Variants in ANKS1B observed in about 807,000 individuals in gnomAD.
The protein encoded by ANKS1B is ankyrin repeat and sterile alpha motif domain-containing protein 1B.
ANKS1B carries 36 observed loss-of-function variants against 148.3 expected under a neutral mutation model. The ratio of observed to expected loss-of-function variants is 0.24; its 90% CI spans 0.19 to 0.32. The LOEUF (loss-of-function observed/expected upper bound fraction) is 0.32, where lower values mean the gene tolerates loss of function less well. ANKS1B is among the 10% of genes least tolerant of loss of function. The probability of loss-of-function intolerance (pLI) is 1.00; values close to 1 mark genes in which losing one functional copy is unlikely to be tolerated. For missense variants in ANKS1B, 1,157 were observed against 1,542.6 expected (o/e 0.75, Z 4.19); for synonymous variants, 542 against 560.8 (o/e 0.97, Z 0.47).
chr12:99,699,637 T>C (rs2054500890), intron 8 of ANKS1B, among the ~76,000 whole-genome samples: 1 of 152,192 alleles, frequency 6.6e-6, no homozygotes, highest in Non-Finnish European at 1.5e-5. Flanking sequence ...ATCTCCTTAC[T>C]TGCTAAACGA....
intron 8 of ANKS1B, among the ~76,000 whole-genome samples, chr12:99,744,165 G>A (rs1226980070): frequency 6.6e-6 from 1 of 151,932 alleles, no homozygotes; most frequent in African/African-American, 2.4e-5. Flanking sequence ...TGAGATATTG[G>A]GAATAACAAA....
chr12:99,735,569 C>G (rs147963527), intron 8 of ANKS1B, among the ~76,000 whole-genome samples: 2 of 151,866 alleles, frequency 1.3e-5, no homozygotes, highest in Non-Finnish European at 2.9e-5. Context: ...CAGGAAGATA[C>G]AGAAAACCTG....
At chr12:98,897,564 TA>T (rs1184857698) in intron 17 of ANKS1B, among the ~76,000 whole-genome samples, 1 of 152,070 alleles carries the variant, frequency 6.6e-6, no homozygotes, top group Non-Finnish European at 1.5e-5. Flanking sequence ...AGTCAAAAAA[TA>T]ACAGATGTTG....
chr12:99,451,229 C>T (rs1229309736), intron 10 of ANKS1B, among the ~76,000 whole-genome samples: 1 of 147,766 alleles, frequency 6.8e-6, no homozygotes, highest in Non-Finnish European at 1.5e-5. Flanking sequence ...TCTATAATAA[C>T]AACATTAGAA....
chr12:99,075,209 C>G (rs1565909716), intron 16 of ANKS1B, among the ~76,000 whole-genome samples: 1 of 152,134 alleles, frequency 6.6e-6, no homozygotes, highest in Non-Finnish European at 1.5e-5. Context: ...GAACCTGAAT[C>G]CTGGTGAATC....
intron 17 of ANKS1B, among the ~76,000 whole-genome samples, chr12:98,854,956 G>A (rs985676943): frequency 4.1e-4 from 63 of 151,882 alleles, no homozygotes; most frequent in African/African-American, 1.4e-3. Context: ...TCAGGAGATC[G>A]AGACCATCCT....
chr12:99,922,486 T>G (rs1304079792), intron 1 of ANKS1B, among the ~76,000 whole-genome samples: 4 of 152,184 alleles, frequency 2.6e-5, no homozygotes, highest in Admixed American at 2.0e-4. Context: ...TTGATACCAT[T>G]AATACCAATG....
chr12:99,723,352 G>A (rs762995801), intron 8 of ANKS1B, among the ~76,000 whole-genome samples: 7 of 152,142 alleles, frequency 4.6e-5, no homozygotes, highest in Non-Finnish European at 8.8e-5. Context: ...GGGGTCCCCC[G>A]CAGCACAACA....
At chr12:99,380,128 A>G (rs981693265) in intron 12 of ANKS1B, among the ~76,000 whole-genome samples, 1 of 152,206 alleles carries the variant, frequency 6.6e-6, no homozygotes. Flanking sequence ...TTACAAGCTC[A>G]GAGGTCTACC....
At chr12:98,791,205 C>T (rs540131749) in intron 22 of ANKS1B, among the ~76,000 whole-genome samples, 13 of 152,004 alleles carry the variant, frequency 8.6e-5, no homozygotes, top group African/African-American at 2.2e-4. Context: ...ATTAGCCGGA[C>T]GTGGTGGCGG....
At chr12:99,310,652 C>G (rs1478137264) in intron 12 of ANKS1B, among the ~76,000 whole-genome samples, 1 of 152,096 alleles carries the variant, frequency 6.6e-6, no homozygotes, top group Admixed American at 6.6e-5. Context: ...TTCAGGCCTT[C>G]ACACTCAGGC....
intron 16 of ANKS1B, among the ~76,000 whole-genome samples, chr12:99,057,399 T>C (rs1020914973): frequency 1.3e-5 from 2 of 152,220 alleles, no homozygotes; most frequent in African/African-American, 2.4e-5. Flanking sequence ...TATTCTGCCA[T>C]TGGCTGCTAG....
chr12:99,132,102 T>C (rs554295221), intron 15 of ANKS1B, among the ~76,000 whole-genome samples: 52 of 152,006 alleles, frequency 3.4e-4, no homozygotes, highest in Non-Finnish European at 6.9e-4. Context: ...ATGGTTTCCA[T>C]GGCAACAGAA....
intron 12 of ANKS1B, among the ~76,000 whole-genome samples, chr12:99,318,911 C>T (rs535353380): frequency 8.5e-5 from 13 of 152,062 alleles, no homozygotes; most frequent in Admixed American, 4.6e-4. Context: ...TTTATTTCTG[C>T]CTTCATTTCG....
At chr12:99,053,370 G>T in intron 16 of ANKS1B, 61 bp from the exon 17 acceptor site, 2 of 1,298,824 alleles carry the variant, frequency 1.5e-6, no homozygotes, top group South Asian at 4.0e-5. Flanking sequence ...ACAACAGAAT[G>T]CAGATTTCCC....
intron 17 of ANKS1B, among the ~76,000 whole-genome samples, chr12:99,051,151 C>G (rs2099965794): frequency 6.6e-6 from 1 of 152,176 alleles, no homozygotes; most frequent in Non-Finnish European, 1.5e-5. Context: ...AAACAAGGAT[C>G]TCTAGGCCAC....
intron 12 of ANKS1B, among the ~76,000 whole-genome samples, chr12:99,318,440 A>G (rs2154029910): frequency 6.6e-6 from 1 of 152,216 alleles, no homozygotes; most frequent in South Asian, 2.1e-4. Context: ...TAGATTTTCT[A>G]GTTTATTTGT....
intron 2 of ANKS1B, among the ~76,000 whole-genome samples, chr12:99,816,346 T>A (rs1189823412): frequency 6.6e-6 from 1 of 151,862 alleles, no homozygotes; most frequent in East Asian, 1.9e-4. Flanking sequence ...TATTTGTTTT[T>A]TTTCTTGCTT....
intron 12 of ANKS1B, among the ~76,000 whole-genome samples, chr12:99,258,678 A>G (rs1401380451): frequency 6.7e-6 from 1 of 150,314 alleles, no homozygotes; most frequent in Non-Finnish European, 1.5e-5. Context: ...TTTTTTTCCA[A>G]ATATTGAGAA....
Sources: allele counts gnomAD v4.1 joint callset (sites outside exome capture counted in the v4.1 genomes callset), GRCh38; gene constraint gnomAD v4.1.1; transcripts MANE v1.5; gene names NCBI Gene and HGNC (gene_info 2026-07-23, HGNC 2026-07-21).